Variants in BCLAF3 observed in about 807,000 individuals in gnomAD.
BCLAF3 encodes BCLAF1 and THRAP3 family member 3.
In BCLAF3, 24 loss-of-function variants were observed where a neutral mutation model predicts 51.2. The ratio of observed to expected loss-of-function variants is 0.47; its 90% CI spans 0.34 to 0.66. The LOEUF (loss-of-function observed/expected upper bound fraction) is 0.66, where lower values mean the gene tolerates loss of function less well. Ranked by LOEUF, BCLAF3 falls within the 30% of genes least tolerant of loss-of-function variation. The pLI is 0.01. For missense variants in BCLAF3, 465 were observed against 525.1 expected (o/e 0.89, Z 1.12); for synonymous variants, 152 against 176.6 (o/e 0.86, Z 1.10).
chrX:19,937,245 A>G lies in BCLAF3; in HGVS notation c.1860+173T>C, dbSNP rs766263848. 9.2e-6 allele frequency: 4 copies of G among 434,688 alleles called. No individual in the cohort carries two copies. The East Asian group carries it at 1.6e-4, about 17-fold the overall frequency. The allele number at this position is 434,688 out of a possible 1,213,427, so 35.8% of individuals were successfully genotyped here. A position where few individuals can be genotyped will look rare whatever the true frequency, so the allele number is the denominator to read the frequency against. On this transcript the variant is annotated intron_variant, in intron 9 of 11. Transcript: ENST00000379682. ...GAATCCAATAAAATCCTACTAAATC[A>G]AGTAAGAAATGACCATTTCTTCTGT...
intron 6 of BCLAF3, among the ~76,000 whole-genome samples, chrX:19,953,403 C>G (rs1408781023): frequency 8.9e-6 from 1 of 111,878 alleles, no homozygotes; most frequent in Non-Finnish European, 1.9e-5. Context: ...TCTGGCTGCC[C>G]TCAGAACACC....
chrX:19,980,816 G>A (rs764558313), intron 1 of BCLAF3, among the ~76,000 whole-genome samples: 1 of 109,597 alleles, frequency 9.1e-6, no homozygotes, highest in South Asian at 4.0e-4. Flanking sequence ...TTGCACACCT[G>A]TAGTCCCAGG....
At chrX:19,925,247 G>T (rs1160654529) in intron 11 of BCLAF3, among the ~76,000 whole-genome samples, 1 of 110,728 alleles carries the variant, frequency 9.0e-6, no homozygotes, top group Non-Finnish European at 1.9e-5. Flanking sequence ...TTTTTTGTTG[G>T]AGGCAGGAAG....
chrX:19,926,943 G>A (rs1218212557), intron 11 of BCLAF3, among the ~76,000 whole-genome samples: 2 of 111,493 alleles, frequency 1.8e-5, no homozygotes, highest in African/African-American at 6.5e-5. Context: ...AAAAAGAGAT[G>A]CGGCCGGGTG....
chrX:19,946,110 C>T (rs1338191679), intron 8 of BCLAF3, among the ~76,000 whole-genome samples: 2 of 110,406 alleles, frequency 1.8e-5, no homozygotes, highest in South Asian at 3.9e-4. Context: ...CCAGGTGAGG[C>T]AATGCCTCGC....
intron 9 of BCLAF3, among the ~76,000 whole-genome samples, 192 bp from the exon 10 acceptor site, chrX:19,936,090 C>T (rs188827499): frequency 4.1e-4 from 46 of 112,038 alleles, no homozygotes; most frequent in Non-Finnish European, 1.1e-4. Flanking sequence ...CTTTGACTAA[C>T]ATGATCCATG....
At chrX:19,971,789 A>G (rs1334368928) in intron 1 of BCLAF3, among the ~76,000 whole-genome samples, 1 of 112,070 alleles carries the variant, frequency 8.9e-6, no homozygotes, top group Non-Finnish European at 1.9e-5. Context: ...AGAATAAATA[A>G]GTGTATGTCT....
intron 4 of BCLAF3, among the ~76,000 whole-genome samples, chrX:19,963,610 GCTTT>G (rs929681054): frequency 1.4e-4 from 16 of 111,191 alleles, no homozygotes; most frequent in African/African-American, 5.2e-4. Context: ...AATCATAAAT[GCTTT>G]CTGAGCACAT....
At chrX:19,954,850 C>T (rs2071608477) in intron 5 of BCLAF3, among the ~76,000 whole-genome samples, 2 of 111,628 alleles carry the variant, frequency 1.8e-5, no homozygotes, top group Admixed American at 1.9e-4. Flanking sequence ...TGGAAACTCG[C>T]CAGAAGCAAA....
intron 1 of BCLAF3, among the ~76,000 whole-genome samples, chrX:19,984,065 T>C (rs1603340862): frequency 1.8e-5 from 1 of 55,844 alleles, no homozygotes; most frequent in Admixed American, 3.2e-4. Context: ...AGAGCAAGAC[T>C]CCATCTCAAA....
Position 19,937,527 on chromosome X carries a change from T to C in BCLAF3, c.1751A>G (p.Asp584Gly). 1 of 1,022,337 alleles carries C rather than the reference T, an allele frequency of 9.8e-7. No individual in the cohort carries two copies. Among genetic ancestry groups the C allele is most frequent in the South Asian group, 2.1e-5 (1 of 46,888 alleles). The allele number at this position is 1,022,337 out of a possible 1,213,427, so 84.3% of individuals were successfully genotyped here. ...FHIASAAERDDQNSSFSKVKN... is the reference protein window; with the variant it reads ...FHIASAAERDGQNSSFSKVKN... Reference sequence around the variant, plus strand: ...TACCTTTGAAAAACTGGAATTCTGATCATCCCTAATAAGGAAACAGAGAAA... The same window carrying C: ...TACCTTTGAAAAACTGGAATTCTGACCATCCCTAATAAGGAAACAGAGAAA... The change falls in exon 9 of 12, where the codon GAT (aspartate) becomes GGT (glycine). Residue 584 changes from aspartate to glycine, a missense_variant. Transcript: ENST00000379682.
intron 11 of BCLAF3, among the ~76,000 whole-genome samples, chrX:19,924,020 G>A (rs1017553376): frequency 1.7e-4 from 19 of 109,937 alleles, no homozygotes; most frequent in African/African-American, 5.0e-4. Flanking sequence ...GGCTGGTCTC[G>A]AACTCCTGAG....
intron 1 of BCLAF3, among the ~76,000 whole-genome samples, chrX:19,978,356 G>C (rs2072497485): frequency 9.0e-6 from 1 of 111,660 alleles, no homozygotes; most frequent in African/African-American, 3.3e-5. Flanking sequence ...GTATTAACAG[G>C]GGTTTGGAAG....
At chrX:19,926,116 G>C (rs1429983409) in intron 11 of BCLAF3, among the ~76,000 whole-genome samples, 2 of 111,582 alleles carry the variant, frequency 1.8e-5, no homozygotes, top group African/African-American at 6.5e-5. Flanking sequence ...GGCTGCAATA[G>C]AAAGATATAT....
chrX:19,930,654 C>A, intron 10 of BCLAF3: 1 of 179,273 alleles, frequency 5.6e-6, no homozygotes, highest in Non-Finnish European at 1.1e-5. Flanking sequence ...AGAGCGAGAC[C>A]CTGTCTCAAA....
At chrX:19,941,085 A>G (rs376229350) in intron 8 of BCLAF3, among the ~76,000 whole-genome samples, 1,244 of 108,644 alleles carry the variant, frequency 0.011, 32 homozygotes, top group African/African-American at 0.042. Context: ...AGAAGTGTCT[A>G]TTCATGTCCT....
intron 9 of BCLAF3, among the ~76,000 whole-genome samples, chrX:19,937,034 TTTATTA>T (rs969598577): frequency 2.7e-5 from 3 of 111,770 alleles, no homozygotes; most frequent in Admixed American, 9.6e-5. Flanking sequence ...ATTTTTTTCT[TTTATTA>T]TTATTATATT....
intron 1 of BCLAF3, among the ~76,000 whole-genome samples, chrX:19,979,297 C>G (rs1291804246): frequency 1.8e-5 from 2 of 110,775 alleles, no homozygotes; most frequent in Admixed American, 1.9e-4. Context: ...CCCCAACCTT[C>G]AACAACCAAC....
At chrX:19,978,771 T>C (rs1294172099) in intron 1 of BCLAF3, among the ~76,000 whole-genome samples, 1 of 106,874 alleles carries the variant, frequency 9.4e-6, no homozygotes, top group Non-Finnish European at 1.9e-5. Context: ...TTTTTTTTTG[T>C]CTTATATTTT....
Sources: gnomAD v4.1 joint callset for allele counts (sites outside exome capture counted in the v4.1 genomes callset) on GRCh38, gnomAD v4.1.1 for gene constraint, MANE v1.5 for transcripts, NCBI Gene and HGNC (gene_info 2026-07-23, HGNC 2026-07-21) for gene names.